NEK11: variants seen among roughly 807,000 people sequenced by gnomAD.
The protein encoded by NEK11 is serine/threonine-protein kinase Nek11.
In NEK11, 72 loss-of-function variants were observed where a neutral mutation model predicts 80.7. The ratio of observed to expected loss-of-function variants is 0.89; its 90% CI spans 0.74 to 1.08. NEK11 has a LOEUF of 1.08. Among genes scored for constraint, NEK11 ranks in the 50% least tolerant of loss-of-function variants. The pLI is 0.00. For missense variants in NEK11, 764 were observed against 763.6 expected, an observed-to-expected ratio of 1.00 and a Z score of -0.01; for synonymous variants, 251 against 260.7, an observed-to-expected ratio of 0.96 and a Z score of 0.36.
In NEK11 at chr3:131,349,670, T is replaced by C. The variant is rs761324868; in HGVS notation, c.1832T>C (p.Val611Ala). The C allele has an allele frequency of 1.2e-6, 2 of 1,614,092 alleles. No individual in the cohort carries two copies. Among genetic ancestry groups the C allele is most frequent in the South Asian group, 2.2e-5 (2 of 91,076 alleles). Reference protein sequence around the residue: ...EAEIRECLEKVVPQASDCFEV... With the variant: ...EAEIRECLEKAVPQASDCFEV... ...GAGATCCGCGAGTGTTTGGAAAAAG[T>C]GGTGCCTCAAGCCAGCGACTGTTTT... is the stretch of plus-strand genomic sequence containing the variant. The change falls in exon 18 of 18, where the codon GTG becomes GCG. Residue 611 changes from valine to alanine, a missense_variant. Val to Ala is a moderately conservative substitution (Grantham distance 64, BLOSUM62 0). Transcript: ENST00000383366.
At chr3:131,195,027 C>G (rs566448606) in intron 14 of NEK11, among the ~76,000 whole-genome samples, 1 of 152,158 alleles carries the variant, frequency 6.6e-6, no homozygotes, top group African/African-American at 2.4e-5. Context: ...TTGCCCAACG[C>G]TGAGGAGCCC....
At chr3:131,223,342 G>T (rs1274591816) in intron 14 of NEK11, among the ~76,000 whole-genome samples, 1 of 152,146 alleles carries the variant, frequency 6.6e-6, no homozygotes. Context: ...ATTCATTCCA[G>T]TTTGTTTCAT....
chr3:131,079,551 A>G (rs962346900), intron 3 of NEK11, among the ~76,000 whole-genome samples: 1 of 152,118 alleles, frequency 6.6e-6, no homozygotes, highest in African/African-American at 2.4e-5. Context: ...ATTTTTTCCT[A>G]TAGTCTAGTT....
At chr3:131,070,659 G>A (rs2073117887) in intron 3 of NEK11, among the ~76,000 whole-genome samples, 1 of 152,234 alleles carries the variant, frequency 6.6e-6, no homozygotes, top group Non-Finnish European at 1.5e-5. Context: ...TAATGCTAGG[G>A]AAGGGAAGAA....
chr3:131,122,377 T>G (rs1302081485), intron 5 of NEK11, among the ~76,000 whole-genome samples: 1 of 152,182 alleles, frequency 6.6e-6, no homozygotes, highest in Non-Finnish European at 1.5e-5. Flanking sequence ...CTGAGCCAGG[T>G]GTAGGCACAC....
At chr3:131,108,554 T>G (rs1377485366) in intron 4 of NEK11, among the ~76,000 whole-genome samples, 3 of 152,170 alleles carry the variant, frequency 2.0e-5, no homozygotes, top group African/African-American at 7.2e-5. Context: ...CTAAGAAAAT[T>G]TAGCATTTGA....
chr3:131,313,729 CACAA>C (rs2096804955), intron 17 of NEK11, among the ~76,000 whole-genome samples: 3 of 152,106 alleles, frequency 2.0e-5, no homozygotes, highest in Non-Finnish European at 4.4e-5. Context: ...TTTAAACCAA[CACAA>C]ACAAAACAAT....
chr3:131,259,430 T>C (rs151043679), intron 16 of NEK11, among the ~76,000 whole-genome samples: 5 of 152,296 alleles, frequency 3.3e-5, no homozygotes, highest in African/African-American at 1.2e-4. Context: ...ACCCAACTTA[T>C]TAAAGGAACC....
At chr3:131,102,597 C>T (rs1279293186) in intron 4 of NEK11, among the ~76,000 whole-genome samples, 1 of 152,118 alleles carries the variant, frequency 6.6e-6, no homozygotes. Context: ...TTCTCTCTTC[C>T]TTTAAGATTT....
At chr3:131,163,583 A>G (rs1257299805) in intron 11 of NEK11, among the ~76,000 whole-genome samples, 4 of 152,040 alleles carry the variant, frequency 2.6e-5, no homozygotes, top group African/African-American at 9.7e-5. Flanking sequence ...TACTAGGGGC[A>G]GGGGGGCATG....
intron 14 of NEK11, among the ~76,000 whole-genome samples, chr3:131,201,491 C>T (rs1417363711): frequency 6.6e-6 from 1 of 152,092 alleles, no homozygotes; most frequent in Non-Finnish European, 1.5e-5. Flanking sequence ...AGAGAGCAAA[C>T]TCTGTACATA....
At chr3:131,204,349 G>A (rs924210734) in intron 14 of NEK11, among the ~76,000 whole-genome samples, 5 of 152,126 alleles carry the variant, frequency 3.3e-5, no homozygotes, top group Non-Finnish European at 7.3e-5. Context: ...AGTCACCCTA[G>A]CAAATTAATC....
At chr3:131,138,718 G>C (rs559474211) in intron 7 of NEK11, among the ~76,000 whole-genome samples, 1 of 152,296 alleles carries the variant, frequency 6.6e-6, no homozygotes, top group Non-Finnish European at 1.5e-5. Context: ...AGTAAGGGAA[G>C]AGAACAAGAG....
rs900933917 is a variant in NEK11 at position 131,162,343 on chromosome 3, A to C, written c.963-65A>C. 3 of 1,569,424 alleles carry C rather than the reference A, an allele frequency of 1.9e-6. No homozygotes were observed. In the African/African-American group the frequency reaches 4.1e-5, roughly 22 times the overall value. ...TAGTGTAGTGATACTTTTATAAAAT[A>C]TTTGTTTAATTTTTCTGAACATGTT... On this transcript the variant is annotated intron_variant, in intron 10 of 17. Coordinates refer to ENST00000383366, the MANE Select transcript of NEK11 (RefSeq NM_024800.5).
intron 15 of NEK11, among the ~76,000 whole-genome samples, chr3:131,237,891 G>A (rs187821421): frequency 1.3e-5 from 2 of 152,228 alleles, no homozygotes; most frequent in East Asian, 1.9e-4. Context: ...CATTCCTACT[G>A]CGAAAGCCAT....
rs558709864 is a variant in NEK11, at chr3:131,028,867, C to T, written c.-96-746C>T. ...CTGCGCCCGGCCTAAACAGTCCTGC[C>T]TTTCATAACTGCCACGTCTCATAGC... On this transcript the variant is annotated intron_variant, in intron 2 of 17. Transcript: ENST00000383366. Among the ~76,000 whole-genome samples, 3 of 152,280 alleles carry T rather than the reference C, an allele frequency of 2.0e-5. No individual in the cohort carries two copies. The South Asian group carries it at 6.2e-4, about 32-fold the overall frequency.
intron 17 of NEK11, among the ~76,000 whole-genome samples, chr3:131,307,578 A>G (rs1283577851): frequency 1.3e-5 from 2 of 152,198 alleles, no homozygotes; most frequent in Non-Finnish European, 2.9e-5. Context: ...AGTGAAGATC[A>G]AAGGGAAGGT....
At chr3:131,262,494 C>G (rs575766629) in intron 16 of NEK11, among the ~76,000 whole-genome samples, 2 of 152,180 alleles carry the variant, frequency 1.3e-5, no homozygotes, top group East Asian at 3.9e-4. Flanking sequence ...TTTTTCCTTT[C>G]CAATTTGGAT....
At chr3:131,049,196 G>C (rs923586589) in intron 3 of NEK11, among the ~76,000 whole-genome samples, 1 of 152,134 alleles carries the variant, frequency 6.6e-6, no homozygotes, top group African/African-American at 2.4e-5. Flanking sequence ...TAGATTAAAG[G>C]CATAAATCCA....
Sources: gnomAD v4.1 joint callset for allele counts (sites outside exome capture counted in the v4.1 genomes callset) on GRCh38, gnomAD v4.1.1 for gene constraint, MANE v1.5 for transcripts, NCBI Gene and HGNC (gene_info 2026-07-23, HGNC 2026-07-21) for gene names.